CPM: variants seen among roughly 807,000 people sequenced by gnomAD.
CPM encodes carboxypeptidase M, also known as renal carboxypeptidase.
CPM carries 35 observed loss-of-function variants against 46.4 expected under a neutral mutation model. That is an observed-to-expected ratio of 0.75 (90% confidence interval 0.58 to 1.00). CPM has a LOEUF of 1.00. Among genes scored for constraint, CPM ranks in the 50% least tolerant of loss-of-function variants. The pLI, the probability that CPM is intolerant of heterozygous loss-of-function variation, is 0.00. For synonymous variants in CPM, 195 were observed against 195.3 expected (o/e 1.00, Z 0.01); for missense variants, 422 against 530.4 (o/e 0.80, Z 2.01).
intron 2 of CPM, among the ~76,000 whole-genome samples, chr12:68,890,447 AT>A (rs1362827699): frequency 2.6e-5 from 4 of 151,898 alleles, no homozygotes; most frequent in Admixed American, 6.6e-5. Context: ...ACTTTATGTT[AT>A]TTGATCTTCA....
At position 68,853,611 on chromosome 12, in the gene CPM, T is replaced by C. The variant is rs975745767; in HGVS notation, c.*2826A>G. ...CAGTATGTCTCATTTCTAGATCCCA[T>C]AGAACTTTCAATTGAAAGTAATAAC... On this transcript the variant is annotated 3_prime_UTR_variant, in exon 9 of 9. Coordinates refer to ENST00000551568, the MANE Select transcript of CPM (RefSeq NM_198320.5). 1 of 152,148 alleles carries C rather than the reference T, an allele frequency of 6.6e-6. No homozygotes were observed. The highest frequency in any genetic ancestry group is 1.5e-5 in the Non-Finnish European group (1 of 68,040). The allele number at this position is 152,148 out of a possible 1,614,324, so 9.4% of individuals were successfully genotyped here. A position where few individuals can be genotyped will look rare whatever the true frequency, so the allele number is the denominator to read the frequency against.
intron 2 of CPM, among the ~76,000 whole-genome samples, chr12:68,904,802 T>A (rs981738426): frequency 6.6e-6 from 1 of 152,160 alleles, no homozygotes; most frequent in Non-Finnish European, 1.5e-5. Context: ...GAGAGGAGGA[T>A]CCTCATAGTG....
At chr12:68,877,970 T>A (rs1303931544) in intron 3 of CPM, among the ~76,000 whole-genome samples, 1 of 152,258 alleles carries the variant, frequency 6.6e-6, no homozygotes, top group Non-Finnish European at 1.5e-5. Context: ...AAGTCATTTA[T>A]CCTTTATCTC....
chr12:68,874,940 G>A (rs906925643), intron 3 of CPM, among the ~76,000 whole-genome samples: 2 of 152,198 alleles, frequency 1.3e-5, no homozygotes, highest in Non-Finnish European at 2.9e-5. Flanking sequence ...TCACCCAACC[G>A]AAAGAAAGTG....
downstream of CPM, chr12:68,846,380 C>G (rs1342713530): frequency 6.6e-6 from 1 of 152,180 alleles, no homozygotes; most frequent in African/African-American, 2.4e-5. Flanking sequence ...AGCCACCACG[C>G]CAAGCCCAAA....
At chr12:68,911,493 C>A (rs577680841) in intron 2 of CPM, among the ~76,000 whole-genome samples, 3 of 152,260 alleles carry the variant, frequency 2.0e-5, no homozygotes, top group African/African-American at 7.2e-5. Context: ...TTGGTATTTA[C>A]CTCATAGGGT....
chr12:68,937,039 C>T (rs990580367), upstream of CPM, among the ~76,000 whole-genome samples: 1 of 152,158 alleles, frequency 6.6e-6, no homozygotes, highest in East Asian at 1.9e-4. Context: ...AAAAGATTGA[C>T]AATACCTGGA....
chr12:68,947,552 G>A (rs150722785), intron 1 of CPM, among the ~76,000 whole-genome samples: 6,719 of 151,472 alleles, frequency 0.044, 248 homozygotes, highest in Non-Finnish European at 0.069. Flanking sequence ...AGCTGAGATC[G>A]CGCCATTGCA....
At chr12:68,891,158 C>CCAAAGATCTGACATCAATTTCACGTGG (rs1886639541) in intron 2 of CPM, among the ~76,000 whole-genome samples, 3 of 152,266 alleles carry the variant, frequency 2.0e-5, no homozygotes, top group Admixed American at 6.5e-5. Flanking sequence ...TAACAACGAT[C>CCAAAGATCTGACATCAATTTCACGTGG]CAAAGATCTG....
At chr12:68,844,812 GC>G (rs1458189099) in intron 5 of CPM, 1 of 200,702 alleles carries the variant, frequency 5.0e-6, no homozygotes. Flanking sequence ...TGTGGCTCAG[GC>G]TGGAGTACAG....
chr12:68,930,128 T>C (rs1294744126), intron 2 of CPM, among the ~76,000 whole-genome samples: 1 of 152,230 alleles, frequency 6.6e-6, no homozygotes, highest in Non-Finnish European at 1.5e-5. Context: ...TCACCCAGGC[T>C]GGAGTGCAGT....
intron 2 of CPM, among the ~76,000 whole-genome samples, chr12:68,930,509 A>T (rs1031235251): frequency 6.6e-6 from 1 of 152,248 alleles, no homozygotes; most frequent in African/African-American, 2.4e-5. Flanking sequence ...GTGCAGTGAC[A>T]CTTTGGCAAC....
At chr12:68,960,110 T>A (rs565865435) in intron 1 of CPM, among the ~76,000 whole-genome samples, 13 of 152,360 alleles carry the variant, frequency 8.5e-5, no homozygotes, top group Middle Eastern at 3.4e-3. Flanking sequence ...GAATTTGTGT[T>A]GCTGATAGGT....
chr12:68,902,320 A>G, intron 2 of CPM, among the ~76,000 whole-genome samples: 1 of 152,174 alleles, frequency 6.6e-6, no homozygotes, highest in Non-Finnish European at 1.5e-5. Flanking sequence ...ACTTTAAAAA[A>G]CTCCCAAGAA....
At chr12:68,939,593 T>C (rs1466050174) in intron 1 of CPM, among the ~76,000 whole-genome samples, 1 of 152,126 alleles carries the variant, frequency 6.6e-6, no homozygotes, top group East Asian at 1.9e-4. Flanking sequence ...TTCTACAAAC[T>C]AACATTTGAA....
At chr12:68,857,263 C>T (rs914848831) in intron 8 of CPM, among the ~76,000 whole-genome samples, 7 of 151,548 alleles carry the variant, frequency 4.6e-5, no homozygotes, top group South Asian at 2.1e-4. Context: ...CGGGTTCAAG[C>T]GATTCTCCTA....
chr12:68,922,903 G>GTGTTTTT (rs1369910402), intron 2 of CPM, among the ~76,000 whole-genome samples: 1 of 152,058 alleles, frequency 6.6e-6, no homozygotes, highest in Non-Finnish European at 1.5e-5. Context: ...CTAGACAGAA[G>GTGTTTTT]TGTTTTTTGT....
chr12:68,941,061 A>G (rs1245164728), intron 1 of CPM, among the ~76,000 whole-genome samples: 1 of 152,130 alleles, frequency 6.6e-6, no homozygotes, highest in Non-Finnish European at 1.5e-5. Context: ...GATTCCTAAT[A>G]TAAGTGGAAT....
At chr12:68,861,151 G>A (rs1885192139) in intron 7 of CPM, among the ~76,000 whole-genome samples, 1 of 152,034 alleles carries the variant, frequency 6.6e-6, no homozygotes, top group African/African-American at 2.4e-5. Context: ...GTGCTGGAGT[G>A]CAGGGATTAT....
Sources: allele counts gnomAD v4.1 joint callset (sites outside exome capture counted in the v4.1 genomes callset), GRCh38; gene constraint gnomAD v4.1.1; transcripts MANE v1.5; gene names NCBI Gene and HGNC (gene_info 2026-07-23, HGNC 2026-07-21).